Variants in CSMD1 observed in about 807,000 individuals in gnomAD.
The protein encoded by CSMD1 is CUB and sushi domain-containing protein 1.
In CSMD1, 213 loss-of-function variants were observed where a neutral mutation model predicts 417.5. The ratio of observed to expected loss-of-function variants is 0.51; its 90% confidence interval spans 0.46 to 0.57. The LOEUF is 0.57. Among genes scored for constraint, CSMD1 ranks in the 20% least tolerant of loss-of-function variants. The pLI, the probability that CSMD1 is intolerant of heterozygous loss-of-function variation, is 0.00. For synonymous variants in CSMD1, 2,862 were observed against 1,736.8 expected (o/e 1.65, Z -16.11); for missense variants, 6,923 against 4,529.7 (o/e 1.53, Z -15.17).
At position 4,910,597 on chromosome 8, in the gene CSMD1, A is replaced by G. The variant is rs115950163; in HGVS notation, c.85+83735T>C. Among the ~76,000 whole-genome samples the G allele has an allele frequency of 3.6e-3, 541 of 152,240 alleles. 3 individuals carry two copies. Among genetic ancestry groups the G allele is most frequent in the African/African-American group, 0.012 (519 of 41,546 alleles). On this transcript the variant is annotated intron_variant, in intron 1 of 69. Coordinates refer to ENST00000635120, the MANE Select transcript of CSMD1 (RefSeq NM_033225.6). ...CATGAAAGCTCCCTCCTCATAACCTAATCACTTCCCAAAGTCTGCTCCTCC... is the reference window on the plus strand; with the variant it reads ...CATGAAAGCTCCCTCCTCATAACCTGATCACTTCCCAAAGTCTGCTCCTCC...
At chr8:4,016,525 C>G (rs551221189) in intron 4 of CSMD1, among the ~76,000 whole-genome samples, 8 of 152,110 alleles carry the variant, frequency 5.3e-5, no homozygotes, top group Non-Finnish European at 1.2e-4. Flanking sequence ...AGTGAAGGAT[C>G]TGGGGCTATG....
intron 3 of CSMD1, among the ~76,000 whole-genome samples, chr8:4,258,268 G>T (rs564665565): frequency 7.1e-6 from 1 of 139,864 alleles, no homozygotes; most frequent in East Asian, 2.2e-4. Flanking sequence ...AAGGCCTGTC[G>T]CTGTGAGCTA....
At chr8:3,002,034 C>T (rs975739279) in intron 52 of CSMD1, among the ~76,000 whole-genome samples, 3 of 152,126 alleles carry the variant, frequency 2.0e-5, no homozygotes, top group African/African-American at 7.2e-5. Context: ...CTGATCTCTG[C>T]CTCAACTCGT....
At chr8:3,874,438 T>G (rs1332789693) in intron 5 of CSMD1, among the ~76,000 whole-genome samples, 2 of 152,184 alleles carry the variant, frequency 1.3e-5, no homozygotes, top group Non-Finnish European at 2.9e-5. Context: ...AACTAAGTAA[T>G]CAGAAACCAG....
intron 1 of CSMD1, among the ~76,000 whole-genome samples, chr8:4,910,956 T>G (rs1310135271): frequency 3.9e-5 from 6 of 152,134 alleles, no homozygotes; most frequent in Admixed American, 3.9e-4. Flanking sequence ...TCTCACCTAG[T>G]GAATAAGCCT....
intron 3 of CSMD1, among the ~76,000 whole-genome samples, chr8:4,209,005 C>T (rs566883370): frequency 7.2e-5 from 11 of 152,150 alleles, no homozygotes; most frequent in Non-Finnish European, 1.5e-4. Context: ...CTGCTTATGC[C>T]GTGAACCATA....
chr8:4,045,845 G>C (rs1798120528), intron 3 of CSMD1, among the ~76,000 whole-genome samples: 9 of 151,946 alleles, frequency 5.9e-5, no homozygotes, highest in Admixed American at 5.9e-4. Context: ...TTTTCTTTCA[G>C]ACTCTGGCAC....
chr8:4,589,860 G>A (rs1356653786), intron 2 of CSMD1, among the ~76,000 whole-genome samples: 3 of 152,126 alleles, frequency 2.0e-5, no homozygotes, highest in Non-Finnish European at 4.4e-5. Flanking sequence ...ATAATTTTCA[G>A]AATCTATCAG....
At chr8:4,789,413 C>G (rs1486250554) in intron 1 of CSMD1, among the ~76,000 whole-genome samples, 1 of 152,124 alleles carries the variant, frequency 6.6e-6, no homozygotes, top group Non-Finnish European at 1.5e-5. Flanking sequence ...ACTCTCGTAT[C>G]TAATATTGAT....
chr8:4,808,204 C>G (rs551055500), intron 1 of CSMD1, among the ~76,000 whole-genome samples: 122 of 152,256 alleles, frequency 8.0e-4, no homozygotes, highest in African/African-American at 2.8e-3. Flanking sequence ...ATTGCCAGCA[C>G]CAGTCGGTCA....
chr8:4,925,787 T>C (rs751956515), intron 1 of CSMD1, among the ~76,000 whole-genome samples: 1 of 152,154 alleles, frequency 6.6e-6, no homozygotes, highest in Non-Finnish European at 1.5e-5. Flanking sequence ...GACCTCGTGA[T>C]CCGCCCTCCT....
At position 3,586,319 on chromosome 8, in the gene CSMD1, A is replaced by G. The variant is rs1023030080; in HGVS notation, c.1098-59T>C. ...ATTATTTACAGAAGACTTCTTTAGG[A>G]AAAAAAAAAAAATCAGCAAAATGGC... On this transcript the variant is annotated intron_variant, in intron 8 of 69. Coordinates refer to ENST00000635120, the MANE Select transcript of CSMD1 (RefSeq NM_033225.6). 114 of 296,160 alleles carry G rather than the reference A, an allele frequency of 3.8e-4. No homozygotes were observed. The South Asian group carries it at 7.3e-3, about 19-fold the overall frequency. The allele number at this position is 296,160 out of a possible 1,614,324, so 18.3% of individuals were successfully genotyped here.
At chr8:4,733,010 G>T (rs543727509) in intron 1 of CSMD1, among the ~76,000 whole-genome samples, 4 of 139,496 alleles carry the variant, frequency 2.9e-5, no homozygotes, top group South Asian at 2.5e-4. Flanking sequence ...TCTTTCATTT[G>T]CACGGTTTCT....
chr8:3,717,443 T>C (rs1262302360), intron 6 of CSMD1, among the ~76,000 whole-genome samples: 3 of 152,194 alleles, frequency 2.0e-5, no homozygotes, highest in Admixed American at 6.5e-5. Flanking sequence ...TATCATTTAT[T>C]GTAACTGTGA....
At chr8:4,497,212 T>C (rs963111217) in intron 2 of CSMD1, among the ~76,000 whole-genome samples, 3 of 152,168 alleles carry the variant, frequency 2.0e-5, no homozygotes, top group African/African-American at 7.2e-5. Flanking sequence ...GCCTCCAGAC[T>C]GTGCTACTCC....
chr8:4,774,219 C>T (rs1292450155), intron 1 of CSMD1, among the ~76,000 whole-genome samples: 1 of 152,038 alleles, frequency 6.6e-6, no homozygotes, highest in Non-Finnish European at 1.5e-5. Flanking sequence ...ATAAAATAAT[C>T]ATCTTTTCTT....
At chr8:3,867,509 G>A (rs989719760) in intron 5 of CSMD1, among the ~76,000 whole-genome samples, 2 of 152,080 alleles carry the variant, frequency 1.3e-5, no homozygotes, top group Admixed American at 1.3e-4. Flanking sequence ...GAATAAAACA[G>A]ATATGTTTTA....
chr8:3,904,631 TTTTC>T (rs1324493364), intron 5 of CSMD1, among the ~76,000 whole-genome samples: 142 of 143,340 alleles, frequency 9.9e-4, no homozygotes, highest in African/African-American at 3.6e-3. Context: ...TTCTTTCTCG[TTTTC>T]TTTCTTTTTT....
chr8:4,642,107 C>G (rs911747233), intron 1 of CSMD1, among the ~76,000 whole-genome samples: 5 of 152,216 alleles, frequency 3.3e-5, no homozygotes, highest in Non-Finnish European at 7.3e-5. Context: ...AGGTGCTACT[C>G]TCTATCCTGT....
Sources: gnomAD v4.1 joint callset for allele counts (sites outside exome capture counted in the v4.1 genomes callset) on GRCh38, gnomAD v4.1.1 for gene constraint, MANE v1.5 for transcripts, NCBI Gene and HGNC (gene_info 2026-07-23, HGNC 2026-07-21) for gene names.